The following ASB15 variants were observed in gnomAD, a reference collection of about 807,000 sequenced individuals.
The protein encoded by ASB15 is ankyrin repeat and SOCS box containing 15.
A neutral mutation model predicts 58.0 loss-of-function variants in ASB15; 54 were observed. That is an observed-to-expected ratio of 0.93 (90% CI 0.75 to 1.17). The LOEUF is 1.17. Among genes scored for constraint, ASB15 ranks in the 50% most tolerant of loss-of-function variants. The pLI is 0.00. For missense variants in ASB15, 680 were observed against 707.4 expected, an observed-to-expected ratio of 0.96 and a Z score of 0.44; for synonymous variants, 249 against 262.4, an observed-to-expected ratio of 0.95 and a Z score of 0.50.
chr7:123,613,568 T>C (rs947936992), intron 3 of ASB15, among the ~76,000 whole-genome samples: 2 of 152,180 alleles, frequency 1.3e-5, no homozygotes, highest in African/African-American at 4.8e-5. Flanking sequence ...TGTATTATCT[T>C]CAGGGAGGTG....
intron 3 of ASB15, among the ~76,000 whole-genome samples, chr7:123,613,112 G>A (rs541502977): frequency 6.6e-6 from 1 of 152,064 alleles, no homozygotes; most frequent in African/African-American, 2.4e-5. Context: ...TAAGGCCACT[G>A]ATATAGAACA....
At chr7:123,620,518 A>G in intron 7 of ASB15, among the ~76,000 whole-genome samples, 1 of 8,840 alleles carries the variant, frequency 1.1e-4, no homozygotes, top group East Asian at 3.0e-3. Flanking sequence ...ATATATATAT[A>G]TATATATATA....
intron 1 of ASB15, chr7:123,584,908 T>G (rs1184505942): frequency 6.6e-6 from 1 of 151,948 alleles, no homozygotes; most frequent in Non-Finnish European, 1.5e-5. Flanking sequence ...ATTGAACATA[T>G]TTGTCAAAAT....
chr7:123,584,335 A>AG (rs1799317884), intron 1 of ASB15, among the ~76,000 whole-genome samples: 1 of 150,618 alleles, frequency 6.6e-6, no homozygotes, highest in Admixed American at 6.6e-5. Context: ...AAAAAGTAAG[A>AG]GAAAAAGAAA....
intron 1 of ASB15, among the ~76,000 whole-genome samples, chr7:123,585,895 C>T (rs1264904178): frequency 6.6e-6 from 1 of 151,682 alleles, no homozygotes; most frequent in Non-Finnish European, 1.5e-5. Flanking sequence ...CATGTTGTCA[C>T]GAATACCAGA....
At chr7:123,569,688 A>G (rs1284021359) in intron 1 of ASB15, among the ~76,000 whole-genome samples, 1 of 152,216 alleles carries the variant, frequency 6.6e-6, no homozygotes, top group East Asian at 1.9e-4. Flanking sequence ...CCACAGTAGC[A>G]CAAGGCCAGT....
At chr7:123,616,798 T>C (rs1172730654) in intron 6 of ASB15, among the ~76,000 whole-genome samples, 2 of 149,480 alleles carry the variant, frequency 1.3e-5, no homozygotes, top group Non-Finnish European at 3.0e-5. Flanking sequence ...TTGAGTCATA[T>C]ATAACACTTT....
chr7:123,624,861 A>G, intron 8 of ASB15, 47 bp downstream of exon 8: 1 of 1,565,252 alleles, frequency 6.4e-7, no homozygotes, highest in Non-Finnish European at 8.7e-7. Context: ...CTGCCTCTCG[A>G]ACTCTCCTTT....
chr7:123,619,135 G>A (rs1274480738), intron 7 of ASB15, among the ~76,000 whole-genome samples: 2 of 132,684 alleles, frequency 1.5e-5, no homozygotes, highest in Non-Finnish European at 3.1e-5. Context: ...AGCCGAGATC[G>A]CACCACTGTA....
intron 7 of ASB15, among the ~76,000 whole-genome samples, chr7:123,619,700 T>TGGCTGGGG (rs1230068884): frequency 7.2e-5 from 11 of 152,106 alleles, no homozygotes; most frequent in Admixed American, 1.3e-4. Flanking sequence ...ATGTTTTGTA[T>TGGCTGGGG]TTTTAGTAGA....
At position 123,629,920 on chromosome 7, in the gene ASB15, A is replaced by AT; in HGVS notation, c.1441-45dup. The AT allele has an allele frequency of 3.3e-6, 3 of 918,732 alleles. 1 individual carries two copies. The highest frequency in any genetic ancestry group is 3.8e-5 in the South Asian group (2 of 52,688). 56.9% of individuals were successfully genotyped at this position (918,732 alleles called of 1,614,324 possible). On this transcript the variant is annotated intron_variant, in intron 10 of 11. Coordinates refer to ENST00000451215, the MANE Select transcript of ASB15 (RefSeq NM_001290258.2). ...ATAACACAATTGAGTGTTTATGTAT[A>AT]TGATATTAAAAATACTACTAAATTA...
chr7:123,612,974 T>C (rs1475774580), intron 3 of ASB15, among the ~76,000 whole-genome samples: 1 of 151,860 alleles, frequency 6.6e-6, no homozygotes, highest in Non-Finnish European at 1.5e-5. Context: ...ATAAGATCTC[T>C]AGGGTGCCTT....
At chr7:123,569,716 A>T (rs1223516494) in intron 1 of ASB15, among the ~76,000 whole-genome samples, 10 of 152,202 alleles carry the variant, frequency 6.6e-5, no homozygotes, top group Non-Finnish European at 1.2e-4. Flanking sequence ...GTAGAAAAGG[A>T]TGCTAAATGG....
chr7:123,581,603 C>G (rs1799236556), intron 1 of ASB15, among the ~76,000 whole-genome samples: 1 of 151,906 alleles, frequency 6.6e-6, no homozygotes, highest in South Asian at 2.1e-4. Flanking sequence ...TTCGGTTAAA[C>G]TGATATACAT....
At chr7:123,593,389 T>G (rs1799600038) in intron 1 of ASB15, among the ~76,000 whole-genome samples, 1 of 151,862 alleles carries the variant, frequency 6.6e-6, no homozygotes, top group East Asian at 1.9e-4. Flanking sequence ...TAATTTGGCA[T>G]GTTTTTGCAG....
intron 2 of ASB15, among the ~76,000 whole-genome samples, chr7:123,604,873 TCA>T (rs1290757727): frequency 6.6e-6 from 1 of 152,108 alleles, no homozygotes; most frequent in Non-Finnish European, 1.5e-5. Flanking sequence ...AGGAGTTCAA[TCA>T]CAGAATAATA....
intron 1 of ASB15, among the ~76,000 whole-genome samples, chr7:123,584,479 T>C (rs934357139): frequency 2.0e-5 from 3 of 151,974 alleles, no homozygotes; most frequent in Admixed American, 2.0e-4. Flanking sequence ...GAAGTCACAC[T>C]TAAGAGTTTA....
At position 123,624,723 on chromosome 7, in the gene ASB15, T is replaced by C; in HGVS notation, c.606T>C (p.Asn202=). 6.2e-7 allele frequency: 1 copy of C among 1,614,146 alleles called. No homozygotes were observed. Among genetic ancestry groups the C allele is most frequent in the Non-Finnish European group, 8.5e-7 (1 of 1,179,992 alleles). Residue 202 remains asparagine, a synonymous_variant, in exon 8 of 12, where the codon AAT becomes AAC. Coordinates refer to ENST00000451215, the MANE Select transcript of ASB15 (RefSeq NM_001290258.2). ...CTCTGCTGCTGAAACATGGAGGCAA[T>C]GTCCACCTGAGAGATGGATTTGGAG... The part of the protein sequence containing the change: ...IVALLLKHGG[N]VHLRDGFGVT...
intron 10 of ASB15, 96 bp downstream of exon 10, chr7:123,629,530 C>A: frequency 8.6e-7 from 1 of 1,164,192 alleles, no homozygotes; most frequent in Non-Finnish European, 1.2e-6. Context: ...AAAATAAACT[C>A]TAATTTTTCT....
Sources: allele counts gnomAD v4.1 joint callset (sites outside exome capture counted in the v4.1 genomes callset), GRCh38; gene constraint gnomAD v4.1.1; transcripts MANE v1.5; gene names NCBI Gene and HGNC (gene_info 2026-07-23, HGNC 2026-07-21).